The following EPHA5 variants were observed in gnomAD, a reference collection of about 807,000 sequenced individuals.
EPHA5 encodes the protein EPH receptor A5.
EPHA5 carries 60 observed loss-of-function variants against 105.0 expected under a neutral mutation model. That is an observed-to-expected ratio of 0.57 (90% confidence interval 0.46 to 0.71). The LOEUF is 0.71. Among genes scored for constraint, EPHA5 ranks in the 30% least tolerant of loss-of-function variants. The pLI is 0.00. For missense variants in EPHA5, 1,218 were observed against 1,274.7 expected (o/e 0.96, Z 0.68); for synonymous variants, 513 against 449.1 (o/e 1.14, Z -1.80).
At chr4:65,407,273 A>C (rs1722452930) in intron 7 of EPHA5, among the ~76,000 whole-genome samples, 1 of 152,152 alleles carries the variant, frequency 6.6e-6, no homozygotes, top group Admixed American at 6.5e-5. Context: ...GAACTCTCAC[A>C]GATACAGTTT....
At chr4:65,506,183 C>T (rs972746478) in intron 3 of EPHA5, among the ~76,000 whole-genome samples, 3 of 152,080 alleles carry the variant, frequency 2.0e-5, no homozygotes, top group Admixed American at 2.0e-4. Context: ...ATGAACTCAT[C>T]CTTTTTTATG....
intron 16 of EPHA5, among the ~76,000 whole-genome samples, chr4:65,325,972 C>A (rs1720034392): frequency 6.7e-6 from 1 of 149,740 alleles, no homozygotes; most frequent in East Asian, 2.0e-4. Flanking sequence ...CCCTTAGTGA[C>A]AAAATCTCTC....
At chr4:65,343,143 C>T (rs1577864425) in intron 14 of EPHA5, among the ~76,000 whole-genome samples, 1 of 152,090 alleles carries the variant, frequency 6.6e-6, no homozygotes, top group Non-Finnish European at 1.5e-5. Context: ...AATAAAAATA[C>T]AACAAAATGA....
At chr4:65,620,835 ATAATGG>A (rs1210307086) in intron 2 of EPHA5, among the ~76,000 whole-genome samples, 5 of 152,212 alleles carry the variant, frequency 3.3e-5, no homozygotes, top group African/African-American at 1.2e-4. Flanking sequence ...AAAGAATCAG[ATAATGG>A]ATTTGCGTAA....
At chr4:65,597,727 C>T (rs1409019143) in intron 3 of EPHA5, among the ~76,000 whole-genome samples, 4 of 152,094 alleles carry the variant, frequency 2.6e-5, no homozygotes, top group Admixed American at 1.3e-4. Context: ...TTTGTTACCT[C>T]GTCAAAACCA....
chr4:65,331,176 T>C (rs1227197008), intron 16 of EPHA5: 4 of 1,027,824 alleles, frequency 3.9e-6, no homozygotes, highest in African/African-American at 1.7e-5. Flanking sequence ...GTTATCATTA[T>C]ATTCACAGGT....
intron 3 of EPHA5, among the ~76,000 whole-genome samples, chr4:65,580,161 G>A (rs1264943770): frequency 1.3e-5 from 2 of 151,882 alleles, no homozygotes; most frequent in Admixed American, 1.3e-4. Flanking sequence ...TTTGCTTTCA[G>A]TATTTACTTA....
At chr4:65,542,527 A>AT (rs1438333088) in intron 3 of EPHA5, among the ~76,000 whole-genome samples, 1 of 151,996 alleles carries the variant, frequency 6.6e-6, no homozygotes, top group Non-Finnish European at 1.5e-5. Flanking sequence ...ACCACAAAGA[A>AT]GTCGAATCCC....
At chr4:65,523,642 A>G (rs1358588332) in intron 3 of EPHA5, among the ~76,000 whole-genome samples, 2 of 152,000 alleles carry the variant, frequency 1.3e-5, no homozygotes, top group Non-Finnish European at 1.5e-5. Flanking sequence ...AATCTCTCAC[A>G]TATCAGAAAC....
At chr4:65,603,132 T>G (rs1285070474) in intron 2 of EPHA5, among the ~76,000 whole-genome samples, 2 of 152,088 alleles carry the variant, frequency 1.3e-5, no homozygotes, top group African/African-American at 4.8e-5. Flanking sequence ...GTTCTGAAGA[T>G]ATACAGGACG....
intron 4 of EPHA5, among the ~76,000 whole-genome samples, chr4:65,494,956 GGAA>G (rs1175729401): frequency 3.6e-4 from 55 of 151,238 alleles, no homozygotes; most frequent in South Asian, 1.9e-3. Flanking sequence ...CAGAGAAAGA[GGAA>G]GAAGAAGAAG....
At chr4:65,448,601 T>C (rs1726786527) in intron 5 of EPHA5, among the ~76,000 whole-genome samples, 1 of 152,106 alleles carries the variant, frequency 6.6e-6, no homozygotes. Flanking sequence ...TGAGCTGAGA[T>C]CATGCCACTG....
chr4:65,573,408 C>G (rs866566962), intron 3 of EPHA5: 4 of 901,014 alleles, frequency 4.4e-6, no homozygotes, highest in Non-Finnish European at 5.9e-6. Flanking sequence ...CAGACTCCGT[C>G]TCAAAAAAAA....
intron 5 of EPHA5, among the ~76,000 whole-genome samples, chr4:65,429,167 G>T (rs1347193142): frequency 6.6e-6 from 1 of 151,982 alleles, no homozygotes; most frequent in African/African-American, 2.4e-5. Flanking sequence ...TTACAGTATT[G>T]TAGTAAAATA....
At chr4:65,468,543 A>G (rs1728942135) in intron 5 of EPHA5, among the ~76,000 whole-genome samples, 1 of 106,894 alleles carries the variant, frequency 9.4e-6, no homozygotes, top group Non-Finnish European at 1.8e-5. Flanking sequence ...CTTTATATAT[A>G]TATATAATAT....
intron 3 of EPHA5, among the ~76,000 whole-genome samples, chr4:65,591,349 CT>C (rs1013175986): frequency 2.0e-5 from 3 of 151,550 alleles, no homozygotes; most frequent in African/African-American, 7.3e-5. Flanking sequence ...GCCTTTTTTT[CT>C]TTATACAGAT....
At chr4:65,356,404 T>C (rs1189647359) in intron 11 of EPHA5, among the ~76,000 whole-genome samples, 1 of 151,368 alleles carries the variant, frequency 6.6e-6, no homozygotes, top group African/African-American at 2.4e-5. Context: ...CCCAAATTCA[T>C]TGAGCTAAGA....
chr4:65,557,258 A>ATATATATATG (rs1297322719), intron 3 of EPHA5, among the ~76,000 whole-genome samples: 1 of 145,118 alleles, frequency 6.9e-6, no homozygotes, highest in African/African-American at 2.5e-5. Flanking sequence ...ATATATATAT[A>ATATATATATG]TTCTCACACT....
At chr4:65,552,707 T>TA (rs1738036859) in intron 3 of EPHA5, among the ~76,000 whole-genome samples, 1 of 152,160 alleles carries the variant, frequency 6.6e-6, no homozygotes, top group Non-Finnish European at 1.5e-5. Context: ...TAAGATTCTT[T>TA]AAAAAATATC....
Sources: allele counts gnomAD v4.1 joint callset (sites outside exome capture counted in the v4.1 genomes callset), GRCh38; gene constraint gnomAD v4.1.1; transcripts MANE v1.5; gene names NCBI Gene and HGNC (gene_info 2026-07-23, HGNC 2026-07-21).